STXBP4: variants seen among roughly 807,000 people sequenced by gnomAD.
The protein encoded by STXBP4 is syntaxin binding protein 4, also known as syntaxin-binding protein 4.
In STXBP4, 55 loss-of-function variants were observed where a neutral mutation model predicts 76.1. The ratio of observed to expected loss-of-function variants is 0.72; its 90% CI spans 0.58 to 0.91. The LOEUF (loss-of-function observed/expected upper bound fraction) is 0.91, where lower values mean the gene tolerates loss of function less well. Ranked by LOEUF, STXBP4 falls within the 40% of genes least tolerant of loss-of-function variation. The pLI is 0.00. For synonymous variants in STXBP4, 201 were observed against 220.2 expected (o/e 0.91, Z 0.77); for missense variants, 618 against 636.9 (o/e 0.97, Z 0.32).
At chr17:55,048,618 C>CA (rs1160011912) in intron 12 of STXBP4, among the ~76,000 whole-genome samples, 12 of 140,936 alleles carry the variant, frequency 8.5e-5, no homozygotes, top group Admixed American at 7.1e-4. Context: ...AGATATTGAT[C>CA]ACCCCCAAAA....
At chr17:55,045,706 C>A (rs1464811700) in intron 11 of STXBP4, among the ~76,000 whole-genome samples, 1 of 152,018 alleles carries the variant, frequency 6.6e-6, no homozygotes, top group Non-Finnish European at 1.5e-5. Context: ...CGGCAACCAG[C>A]TAGCTCAGTT....
intron 12 of STXBP4, among the ~76,000 whole-genome samples, chr17:55,054,348 G>T (rs2078898368): frequency 6.6e-6 from 1 of 152,104 alleles, no homozygotes; most frequent in Non-Finnish European, 1.5e-5. Flanking sequence ...AATTCGCTGG[G>T]CATGGTAGCA....
At chr17:55,104,120 C>T (rs1567763784) in intron 16 of STXBP4, among the ~76,000 whole-genome samples, 9 of 152,120 alleles carry the variant, frequency 5.9e-5, no homozygotes. Flanking sequence ...CCCTTTATTT[C>T]TTTCTCTTGC....
intron 7 of STXBP4, among the ~76,000 whole-genome samples, chr17:55,006,022 T>G (rs924095428): frequency 1.3e-5 from 2 of 152,076 alleles, no homozygotes; most frequent in African/African-American, 4.8e-5. Flanking sequence ...TGTATATGTG[T>G]GTGTATATAT....
intron 17 of STXBP4, among the ~76,000 whole-genome samples, chr17:55,144,309 GT>G (rs202053736): frequency 2.0e-5 from 3 of 151,438 alleles, no homozygotes; most frequent in East Asian, 3.9e-4. Context: ...GCATAAGTTA[GT>G]TTTTTTTTGT....
rs56327855 is a variant in STXBP4, at chr17:54,979,538, A to G, written c.-156-6076A>G. Among the ~76,000 whole-genome samples the G allele has an allele frequency of 6.1e-3, 928 of 152,274 alleles. 9 individuals are homozygous for G. Among genetic ancestry groups the G allele is most frequent in the African/African-American group, 0.021 (867 of 41,562 alleles). ...TTTCTTTTATTCCCTCACTAACAAT[A>G]TACGCATAAGCCCTCATACTCAATA... On this transcript the variant is annotated intron_variant, in intron 1 of 17. Coordinates refer to ENST00000376352, the MANE Select transcript of STXBP4 (RefSeq NM_178509.6).
At chr17:55,205,599 A>G in the STXBP4 span, among the ~76,000 whole-genome samples, 1 of 152,048 alleles carries the variant, frequency 6.6e-6, no homozygotes, top group Non-Finnish European at 1.5e-5. Context: ...GGACAGGTGA[A>G]GAGACAATTT....
chr17:55,020,595 A>T (rs953319802), intron 8 of STXBP4, among the ~76,000 whole-genome samples: 1 of 152,268 alleles, frequency 6.6e-6, no homozygotes, highest in African/African-American at 2.4e-5. Flanking sequence ...AGGCAGGCGG[A>T]TCACTTGAGG....
At chr17:55,207,843 G>A in the STXBP4 span, among the ~76,000 whole-genome samples, 1 of 152,130 alleles carries the variant, frequency 6.6e-6, no homozygotes, top group Non-Finnish European at 1.5e-5. Flanking sequence ...ACAAGATCTA[G>A]GATACCCACA....
At chr17:55,099,892 C>G (rs1341243919) in intron 16 of STXBP4, among the ~76,000 whole-genome samples, 1 of 152,004 alleles carries the variant, frequency 6.6e-6, no homozygotes, top group African/African-American at 2.4e-5. Flanking sequence ...ATATTTCTGT[C>G]GAAGATTATA....
chr17:54,981,847 G>A (rs995686762), intron 1 of STXBP4, among the ~76,000 whole-genome samples: 2 of 151,994 alleles, frequency 1.3e-5, no homozygotes, highest in Non-Finnish European at 2.9e-5. Context: ...AAGACCTAAC[G>A]ATAAATAGAA....
In STXBP4 at chr17:55,160,587, C is replaced by G. The variant is rs1024081349; in HGVS notation, c.*676C>G. 3 of 152,930 alleles carry G rather than the reference C, an allele frequency of 2.0e-5. No individual in the cohort carries two copies. The highest frequency in any genetic ancestry group is 3.9e-4 in the East Asian group (2 of 5,172). The allele number at this position is 152,930 out of a possible 1,614,324, so 9.5% of individuals were successfully genotyped here. On this transcript the variant is annotated 3_prime_UTR_variant, in exon 18 of 18. Coordinates refer to ENST00000376352, the MANE Select transcript of STXBP4 (RefSeq NM_178509.6). ...CTCTGTCCCAGCACCGAGACTCACT[C>G]CTAAGTCTTCTGATTCCATGAGCAG... is the stretch of plus-strand genomic sequence containing the variant.
the STXBP4 span, among the ~76,000 whole-genome samples, chr17:55,182,349 C>A: frequency 1.1e-4 from 16 of 152,038 alleles, no homozygotes; most frequent in African/African-American, 3.9e-4. Context: ...TGTTTAACAG[C>A]AGTTAGGCAC....
intron 1 of STXBP4, among the ~76,000 whole-genome samples, chr17:54,973,852 A>G (rs1373910203): frequency 6.6e-6 from 1 of 152,230 alleles, no homozygotes; most frequent in Non-Finnish European, 1.5e-5. Flanking sequence ...TTAATTTGCA[A>G]CATTATTCTT....
intron 16 of STXBP4, among the ~76,000 whole-genome samples, chr17:55,121,183 T>C (rs2145090475): frequency 6.6e-6 from 1 of 152,304 alleles, no homozygotes; most frequent in East Asian, 1.9e-4. Context: ...GTGAAAACTA[T>C]TGTAATGCAA....
At chr17:55,041,182 C>T (rs1275498744) in intron 10 of STXBP4, among the ~76,000 whole-genome samples, 1 of 150,516 alleles carries the variant, frequency 6.6e-6, no homozygotes, top group Non-Finnish European at 1.5e-5. Flanking sequence ...ATCCTAGTTT[C>T]TCTTAATAAA....
At chr17:55,112,233 T>A (rs933845891) in intron 16 of STXBP4, among the ~76,000 whole-genome samples, 1 of 152,140 alleles carries the variant, frequency 6.6e-6, no homozygotes, top group Non-Finnish European at 1.5e-5. Context: ...GGTCTCTGCT[T>A]TAATGTTGCA....
intron 16 of STXBP4, among the ~76,000 whole-genome samples, chr17:55,100,184 T>C (rs1276853720): frequency 2.0e-5 from 3 of 152,208 alleles, no homozygotes; most frequent in Admixed American, 6.5e-5. Context: ...ATTGTATTTC[T>C]ACCAAAAGAT....
At chr17:55,101,348 T>G (rs1489340891) in intron 16 of STXBP4, among the ~76,000 whole-genome samples, 1 of 152,164 alleles carries the variant, frequency 6.6e-6, no homozygotes, top group Non-Finnish European at 1.5e-5. Flanking sequence ...TTCTATCTAA[T>G]CAAAAGAAAT....
Sources: gnomAD v4.1 joint callset for allele counts (sites outside exome capture counted in the v4.1 genomes callset) on GRCh38, gnomAD v4.1.1 for gene constraint, MANE v1.5 for transcripts, NCBI Gene and HGNC (gene_info 2026-07-23, HGNC 2026-07-21) for gene names.